PHACTR1: variants seen among roughly 807,000 people sequenced by gnomAD.
PHACTR1 encodes RPEL repeat containing 1.
A neutral mutation model predicts 69.2 loss-of-function variants in PHACTR1; 16 were observed. That is an observed-to-expected ratio of 0.23 (90% CI 0.16 to 0.35). The LOEUF is 0.35. Ranked by LOEUF, PHACTR1 falls within the 10% of genes least tolerant of loss-of-function variation. The pLI is 1.00. For synonymous variants in PHACTR1, 312 were observed against 284.5 expected (o/e 1.10, Z -0.97); for missense variants, 510 against 734.7 (o/e 0.69, Z 3.54).
intron 5 of PHACTR1, among the ~76,000 whole-genome samples, chr6:13,057,738 G>T (rs996418985): frequency 6.6e-6 from 1 of 152,164 alleles, no homozygotes; most frequent in Non-Finnish European, 1.5e-5. Context: ...GGAAAATTAT[G>T]ATTTCAACGT....
At chr6:12,797,390 C>CT (rs1468999591) in intron 4 of PHACTR1, among the ~76,000 whole-genome samples, 1 of 152,174 alleles carries the variant, frequency 6.6e-6, no homozygotes, top group Non-Finnish European at 1.5e-5. Flanking sequence ...ACATTTGTCA[C>CT]TGACTGACCC....
At chr6:12,755,932 C>G (rs1262458347) in intron 4 of PHACTR1, among the ~76,000 whole-genome samples, 2 of 152,166 alleles carry the variant, frequency 1.3e-5, no homozygotes, top group African/African-American at 4.8e-5. Context: ...AAAGAAGGAT[C>G]CTAACCTCTA....
At chr6:13,001,017 T>C (rs1024508879) in intron 4 of PHACTR1, among the ~76,000 whole-genome samples, 2 of 152,214 alleles carry the variant, frequency 1.3e-5, no homozygotes, top group Non-Finnish European at 2.9e-5. Context: ...TGAAAGGTTT[T>C]GTCTTTGTAA....
intron 10 of PHACTR1, among the ~76,000 whole-genome samples, chr6:13,271,346 G>A (rs1228586567): frequency 6.6e-6 from 1 of 152,078 alleles, no homozygotes; most frequent in East Asian, 1.9e-4. Context: ...ATGAGATTTG[G>A]GCAGCGACAA....
chr6:12,774,380 T>TTG (rs1769766494), intron 4 of PHACTR1, among the ~76,000 whole-genome samples: 4 of 151,510 alleles, frequency 2.6e-5, no homozygotes, highest in African/African-American at 7.3e-5. Flanking sequence ...ATATTTGGCT[T>TTG]TTGTTGTTGT....
At chr6:12,899,640 T>G (rs1021836283) in intron 4 of PHACTR1, among the ~76,000 whole-genome samples, 4 of 152,200 alleles carry the variant, frequency 2.6e-5, no homozygotes, top group Non-Finnish European at 5.9e-5. Flanking sequence ...CTCTTCTGGG[T>G]TGACTGAGAA....
intron 5 of PHACTR1, among the ~76,000 whole-genome samples, chr6:13,065,058 T>C (rs1808419348): frequency 6.6e-6 from 1 of 151,950 alleles, no homozygotes; most frequent in Non-Finnish European, 1.5e-5. Flanking sequence ...AGGAGCAGAT[T>C]TGTGAGGGGA....
intron 4 of PHACTR1, among the ~76,000 whole-genome samples, chr6:12,888,465 G>A (rs1783858686): frequency 6.6e-6 from 1 of 152,060 alleles, no homozygotes; most frequent in Non-Finnish European, 1.5e-5. Context: ...TAACAGAAAA[G>A]TTTTGAATGG....
intron 5 of PHACTR1, among the ~76,000 whole-genome samples, chr6:13,131,468 G>C (rs1820456682): frequency 6.6e-6 from 1 of 151,930 alleles, no homozygotes; most frequent in Non-Finnish European, 1.5e-5. Flanking sequence ...GGGGGATGAG[G>C]GGTAAAAAAC....
chr6:13,030,810 A>G (rs554198975), intron 4 of PHACTR1, among the ~76,000 whole-genome samples: 34 of 152,378 alleles, frequency 2.2e-4, no homozygotes, highest in African/African-American at 7.9e-4. Context: ...GTGAAAGCAG[A>G]ACTCACTCAA....
intron 10 of PHACTR1, chr6:13,230,467 A>T: frequency 3.8e-6 from 2 of 526,874 alleles, no homozygotes; most frequent in Non-Finnish European, 6.0e-6. Context: ...GATTGCTTGA[A>T]TCTGGGAGGT....
At chr6:13,250,086 C>T (rs1208574473) in intron 10 of PHACTR1, among the ~76,000 whole-genome samples, 3 of 152,188 alleles carry the variant, frequency 2.0e-5, no homozygotes, top group Non-Finnish European at 2.9e-5. Context: ...GCTGCTTACA[C>T]ACCATAATGG....
At chr6:12,933,858 T>A (rs1443714217) in intron 4 of PHACTR1, 6 of 1,612,514 alleles carry the variant, frequency 3.7e-6, no homozygotes, top group Non-Finnish European at 4.2e-6. Flanking sequence ...AGGAGGGTGG[T>A]TTGGCTGCCT....
intron 10 of PHACTR1, among the ~76,000 whole-genome samples, chr6:13,243,966 A>G (rs908553062): frequency 3.3e-5 from 5 of 152,140 alleles, no homozygotes; most frequent in Admixed American, 6.5e-5. Context: ...TCCATGGTGT[A>G]TATGTACCAC....
At chr6:13,116,288 A>C (rs1310646215) in intron 5 of PHACTR1, among the ~76,000 whole-genome samples, 6 of 152,246 alleles carry the variant, frequency 3.9e-5, no homozygotes, top group Non-Finnish European at 7.3e-5. Flanking sequence ...ATGCAGAGTG[A>C]TAAATGCAAA....
At chr6:12,881,093 C>T (rs1783050669) in intron 4 of PHACTR1, among the ~76,000 whole-genome samples, 1 of 152,110 alleles carries the variant, frequency 6.6e-6, no homozygotes, top group African/African-American at 2.4e-5. Flanking sequence ...CCAGGAATAG[C>T]GTAAGTTTGC....
chr6:13,213,879 T>C (rs1767261870), intron 8 of PHACTR1, among the ~76,000 whole-genome samples: 1 of 152,234 alleles, frequency 6.6e-6, no homozygotes, highest in African/African-American at 2.4e-5. Flanking sequence ...TATTTTATTA[T>C]AGCAGCACAA....
chr6:12,993,172 G>C (rs868717293), intron 4 of PHACTR1, among the ~76,000 whole-genome samples: 3 of 152,190 alleles, frequency 2.0e-5, no homozygotes, highest in South Asian at 4.2e-4. Context: ...AAATGATTTT[G>C]GGGCTGCTTT....
intron 3 of PHACTR1, among the ~76,000 whole-genome samples, chr6:12,728,350 A>C (rs190463547): frequency 6.6e-6 from 1 of 152,052 alleles, no homozygotes; most frequent in African/African-American, 2.4e-5. Context: ...TCAACCCTAC[A>C]CAACTATTTA....
Sources: gnomAD v4.1 joint callset for allele counts (sites outside exome capture counted in the v4.1 genomes callset) on GRCh38, gnomAD v4.1.1 for gene constraint, MANE v1.5 for transcripts, NCBI Gene and HGNC (gene_info 2026-07-23, HGNC 2026-07-21) for gene names.